The following PLPPR4 variants were observed in gnomAD, a reference collection of about 807,000 sequenced individuals.
The protein encoded by PLPPR4 is phospholipid phosphatase related 4.
In PLPPR4, 24 loss-of-function variants were observed where a neutral mutation model predicts 56.6. The observed-to-expected ratio is 0.42, with a 90% CI of 0.31 to 0.60. The LOEUF is 0.60. PLPPR4 is among the 20% of genes least tolerant of loss of function. The pLI is 0.13. For synonymous variants in PLPPR4, 326 were observed against 328.1 expected (o/e 0.99, Z 0.07); for missense variants, 654 against 885.8 (o/e 0.74, Z 3.32).
intron 2 of PLPPR4, among the ~76,000 whole-genome samples, chr1:99,294,828 A>G (rs1006327651): frequency 6.6e-6 from 1 of 152,156 alleles, no homozygotes; most frequent in Non-Finnish European, 1.5e-5. Context: ...CATGGACAAG[A>G]TGTAATCATT....
intron 1 of PLPPR4, among the ~76,000 whole-genome samples, chr1:99,282,143 A>G (rs1416047492): frequency 6.6e-6 from 1 of 152,218 alleles, no homozygotes; most frequent in Non-Finnish European, 1.5e-5. Context: ...TTTTCAAAAC[A>G]GAATCTTCTA....
chr1:99,298,847 A>G (rs372599585), intron 3 of PLPPR4, 188 bp from the exon 4 acceptor site: 2 of 665,554 alleles, frequency 3.0e-6, no homozygotes, highest in African/African-American at 3.7e-5. Flanking sequence ...GGAGATACTC[A>G]TTGCCTTTAT....
intron 1 of PLPPR4, among the ~76,000 whole-genome samples, chr1:99,279,034 A>C (rs1476805442): frequency 6.6e-6 from 1 of 152,142 alleles, no homozygotes; most frequent in Non-Finnish European, 1.5e-5. Context: ...AATGGTGGAT[A>C]TTTTCTTAAC....
chr1:99,286,151 T>C (rs1659458299), intron 1 of PLPPR4, among the ~76,000 whole-genome samples: 1 of 152,214 alleles, frequency 6.6e-6, no homozygotes, highest in Non-Finnish European at 1.5e-5. Context: ...AAACAATGAA[T>C]AACTTTTAGT....
intron 1 of PLPPR4, among the ~76,000 whole-genome samples, chr1:99,282,082 C>T (rs1226169623): frequency 6.6e-6 from 1 of 152,208 alleles, no homozygotes; most frequent in Non-Finnish European, 1.5e-5. Flanking sequence ...CTCCTGTTAG[C>T]TCCAAATTGA....
intron 1 of PLPPR4, among the ~76,000 whole-genome samples, chr1:99,287,212 T>C (rs904010878): frequency 3.9e-5 from 6 of 152,162 alleles, no homozygotes; most frequent in African/African-American, 1.4e-4. Flanking sequence ...GTAAAGGACA[T>C]GATCTCATTC....
chr1:99,266,855 A>C (rs1306580847), intron 1 of PLPPR4, among the ~76,000 whole-genome samples: 2 of 152,252 alleles, frequency 1.3e-5, no homozygotes, highest in Non-Finnish European at 2.9e-5. Context: ...ATGCACTATC[A>C]CGCTCCTTTG....
intron 1 of PLPPR4, among the ~76,000 whole-genome samples, chr1:99,270,205 T>C (rs970491313): frequency 6.6e-6 from 1 of 152,086 alleles, no homozygotes; most frequent in African/African-American, 2.4e-5. Context: ...TTATAATTTT[T>C]AGTAGAGACA....
In PLPPR4 at chr1:99,307,241, A is replaced by T; in HGVS notation, c.*231A>T. On this transcript the variant is annotated 3_prime_UTR_variant, in exon 7 of 7. Coordinates refer to ENST00000370185, the MANE Select transcript of PLPPR4 (RefSeq NM_014839.5). ...CGTGATGATATGAAGAGTTTTCTTAAGACCTGTCGTCAAACTTAAAAGGTT... is the reference window on the plus strand; with the variant it reads ...CGTGATGATATGAAGAGTTTTCTTATGACCTGTCGTCAAACTTAAAAGGTT... The T allele has an allele frequency of 4.1e-6, 2 of 489,816 alleles. No individual in the cohort carries two copies. Among genetic ancestry groups the T allele is most frequent in the Non-Finnish European group, 7.0e-6 (2 of 283,764 alleles). 30.3% of individuals were successfully genotyped at this position (489,816 alleles called of 1,614,324 possible).
At chr1:99,268,092 A>G (rs1263002931) in intron 1 of PLPPR4, among the ~76,000 whole-genome samples, 1 of 152,218 alleles carries the variant, frequency 6.6e-6, no homozygotes, top group Non-Finnish European at 1.5e-5. Flanking sequence ...CCACTGCAAT[A>G]ACAATCTCTC....
chr1:99,295,185 A>T (rs1191911051), intron 2 of PLPPR4, among the ~76,000 whole-genome samples: 1 of 152,214 alleles, frequency 6.6e-6, no homozygotes, highest in Non-Finnish European at 1.5e-5. Flanking sequence ...AAAATAGTTT[A>T]TTATGCCACA....
chr1:99,264,422 AG>A, upstream of PLPPR4: 1 of 1,454,820 alleles, frequency 6.9e-7, no homozygotes, highest in South Asian at 1.4e-5. Context: ...TGCTGCAAAA[AG>A]GGGCGGGGAG....
At chr1:99,280,513 T>G (rs1445566044) in intron 1 of PLPPR4, among the ~76,000 whole-genome samples, 2 of 152,184 alleles carry the variant, frequency 1.3e-5, no homozygotes, top group African/African-American at 4.8e-5. Context: ...TTAAAAGCAC[T>G]GGGTGAATTG....
rs886980807 is a variant in PLPPR4 at position 99,307,966 on chromosome 1, C to A, written c.*956C>A. ...AAAAGCAAAAATAACAATTGACATT[C>A]CTTGAGCAAAATATACTGCTGTGAA... On this transcript the variant is annotated 3_prime_UTR_variant, in exon 7 of 7. Coordinates refer to ENST00000370185, the MANE Select transcript of PLPPR4 (RefSeq NM_014839.5). 6 of 152,144 alleles carry A rather than the reference C, an allele frequency of 3.9e-5. No homozygotes were observed. Among genetic ancestry groups the A allele is most frequent in the Non-Finnish European group, 8.8e-5 (6 of 68,026 alleles). 9.4% of individuals were successfully genotyped at this position (152,144 alleles called of 1,614,324 possible).
intron 1 of PLPPR4, among the ~76,000 whole-genome samples, chr1:99,285,087 TAAC>T (rs142994938): frequency 0.097 from 14,787 of 152,160 alleles, 844 homozygotes; most frequent in African/African-American, 0.15. Flanking sequence ...GTTATAACAA[TAAC>T]AACAATACTT....
chr1:99,264,140 T>A, upstream of PLPPR4: 1 of 414,744 alleles, frequency 2.4e-6, no homozygotes, highest in Non-Finnish European at 4.3e-6. Context: ...CCTAGGAGGC[T>A]CCCCAGGAGG....
chr1:99,308,426 A>G lies in PLPPR4; in HGVS notation c.*1416A>G. ...AAGCAAACCAATACCATTGATAAGA[A>G]GAAGATAAAAACAAAATATTTTGGA... is the stretch of plus-strand genomic sequence containing the variant. On this transcript the variant is annotated 3_prime_UTR_variant, in exon 7 of 7. Coordinates refer to ENST00000370185, the MANE Select transcript of PLPPR4 (RefSeq NM_014839.5). 6.6e-6 allele frequency: 1 copy of G among 152,456 alleles called. No individual in the cohort carries two copies. Among genetic ancestry groups the G allele is most frequent in the East Asian group, 1.9e-4 (1 of 5,194 alleles). 9.4% of individuals were successfully genotyped at this position (152,456 alleles called of 1,614,324 possible). A position where few individuals can be genotyped will look rare whatever the true frequency, so the allele number is the denominator to read the frequency against.
At chr1:99,265,116 A>G (rs1658857291) in intron 1 of PLPPR4, among the ~76,000 whole-genome samples, 1 of 150,108 alleles carries the variant, frequency 6.7e-6, no homozygotes, top group Non-Finnish European at 1.5e-5. Flanking sequence ...ACATAGTACA[A>G]ATATTGTTAA....
chr1:99,300,548 C>T (rs1416164806), intron 4 of PLPPR4, among the ~76,000 whole-genome samples: 1 of 151,508 alleles, frequency 6.6e-6, no homozygotes, highest in Admixed American at 6.6e-5. Flanking sequence ...AGCTTTAAAC[C>T]CCTAGGTTTT....
Sources: gnomAD v4.1 joint callset for allele counts (sites outside exome capture counted in the v4.1 genomes callset) on GRCh38, gnomAD v4.1.1 for gene constraint, MANE v1.5 for transcripts, NCBI Gene and HGNC (gene_info 2026-07-23, HGNC 2026-07-21) for gene names.